TOX3: variants seen among roughly 807,000 people sequenced by gnomAD.
TOX3 encodes the protein CAG trinucleotide repeat-containing gene F9 protein.
In TOX3, 22 loss-of-function variants were observed where a neutral mutation model predicts 64.3. The ratio of observed to expected loss-of-function variants is 0.34; its 90% CI spans 0.24 to 0.49. The LOEUF (loss-of-function observed/expected upper bound fraction) is 0.49. Ranked by LOEUF, TOX3 falls within the 20% of genes least tolerant of loss-of-function variation. The pLI is 0.99. For missense variants in TOX3, 661 were observed against 714.4 expected, an observed-to-expected ratio of 0.93 and a Z score of 0.85; for synonymous variants, 291 against 273.6, an observed-to-expected ratio of 1.06 and a Z score of -0.63.
At chr16:52,449,279 G>A (rs771439663) in intron 4 of TOX3, among the ~76,000 whole-genome samples, 15 of 152,024 alleles carry the variant, frequency 9.9e-5, no homozygotes, top group Admixed American at 5.2e-4. Flanking sequence ...AAGCCATTTC[G>A]TTCTTCAACT....
At chr16:52,539,532 G>A (rs1963030869) in intron 1 of TOX3, among the ~76,000 whole-genome samples, 1 of 152,198 alleles carries the variant, frequency 6.6e-6, no homozygotes, top group African/African-American at 2.4e-5. Flanking sequence ...CTCACTGACT[G>A]GGAAGTTGAA....
intron 6 of TOX3, among the ~76,000 whole-genome samples, chr16:52,443,566 A>C (rs1960069157): frequency 6.6e-6 from 1 of 152,188 alleles, no homozygotes; most frequent in South Asian, 2.1e-4. Context: ...TGTCAGAAAA[A>C]ATTTGTCTAG....
Position 52,546,802 on chromosome 16 carries a change from C to G in TOX3, c.-79G>C. The G allele has an allele frequency of 7.3e-7, 1 of 1,361,254 alleles. No individual in the cohort carries two copies. Among genetic ancestry groups the G allele is most frequent in the South Asian group, 1.7e-5 (1 of 57,328 alleles). 84.3% of individuals were successfully genotyped at this position (1,361,254 alleles called of 1,614,324 possible). On this transcript the variant is annotated 5_prime_UTR_variant, in exon 1 of 7. Coordinates refer to ENST00000219746, the MANE Select transcript of TOX3 (RefSeq NM_001080430.4). ...ACCCGCCTCCTCGCCGCCGCTAGATCCACCGTCGAGGGCGCCCGGGGGTGG... is the reference window on the plus strand; with the variant it reads ...ACCCGCCTCCTCGCCGCCGCTAGATGCACCGTCGAGGGCGCCCGGGGGTGG...
chr16:52,446,644 T>C (rs1960172427), intron 4 of TOX3, among the ~76,000 whole-genome samples: 1 of 151,872 alleles, frequency 6.6e-6, no homozygotes, highest in African/African-American at 2.4e-5. Flanking sequence ...TCCCTAGCCA[T>C]AGTCACATGC....
At chr16:52,474,852 A>T (rs73583154) in intron 1 of TOX3, among the ~76,000 whole-genome samples, 2,221 of 152,186 alleles carry the variant, frequency 0.015, 45 homozygotes, top group African/African-American at 0.051. Flanking sequence ...CCCAATCCTT[A>T]CAATTGCCCC....
chr16:52,475,270 A>C (rs575931086), intron 1 of TOX3, among the ~76,000 whole-genome samples: 1 of 152,318 alleles, frequency 6.6e-6, no homozygotes, highest in East Asian at 1.9e-4. Context: ...TTTGGTAAAT[A>C]GTAGGTGTTC....
chr16:52,458,581 T>C (rs2151751864), intron 3 of TOX3, among the ~76,000 whole-genome samples: 1 of 152,346 alleles, frequency 6.6e-6, no homozygotes, highest in South Asian at 2.1e-4. Context: ...AGCCTTCTCA[T>C]AACATTTTCC....
intron 1 of TOX3, among the ~76,000 whole-genome samples, chr16:52,477,659 TACTTGCTAGGGGTCATTGTGTACAA>T (rs1484103220): frequency 1.3e-5 from 2 of 152,190 alleles, no homozygotes; most frequent in African/African-American, 4.8e-5. Context: ...CCAGCTGAAC[TACTTGCTAGGGGTCATTGTGTACAA>T]GCTTGCTAGG....
intron 1 of TOX3, among the ~76,000 whole-genome samples, chr16:52,516,614 A>T (rs748612230): frequency 6.6e-6 from 1 of 152,252 alleles, no homozygotes; most frequent in Non-Finnish European, 1.5e-5. Flanking sequence ...GATTGAAAAA[A>T]ATCAGATATA....
intron 4 of TOX3, among the ~76,000 whole-genome samples, chr16:52,448,505 G>A (rs1472975718): frequency 6.6e-6 from 1 of 152,094 alleles, no homozygotes; most frequent in African/African-American, 2.4e-5. Context: ...TCAATCCTCT[G>A]GACTGAAGTT....
chr16:52,451,179 G>A lies in TOX3; in HGVS notation c.409-633C>T, dbSNP rs79833902. On this transcript the variant is annotated intron_variant, in intron 3 of 6. Coordinates refer to ENST00000219746, the MANE Select transcript of TOX3 (RefSeq NM_001080430.4). ...CTGTGGTTAACCAGACGGTCATTCC[G>A]ATTCTGAATTACATTGTCAGCGGCA... Among the ~76,000 whole-genome samples, 1,232 of 152,302 alleles carry A rather than the reference G, an allele frequency of 8.1e-3. 26 individuals are homozygous for A. Among genetic ancestry groups the A allele is most frequent in the African/African-American group, 0.028 (1,169 of 41,566 alleles).
intron 1 of TOX3, among the ~76,000 whole-genome samples, chr16:52,471,032 A>G (rs981604879): frequency 1.3e-5 from 2 of 152,132 alleles, no homozygotes; most frequent in Non-Finnish European, 2.9e-5. Context: ...GGTACCTGGG[A>G]CCCTAGTTCA....
chr16:52,451,655 G>T (rs1000774375), intron 3 of TOX3, among the ~76,000 whole-genome samples: 1 of 151,952 alleles, frequency 6.6e-6, no homozygotes, highest in Non-Finnish European at 1.5e-5. Flanking sequence ...GCTTATTTTT[G>T]CTCTTTAAAG....
chr16:52,443,869 A>T (rs1960078182), intron 6 of TOX3, among the ~76,000 whole-genome samples: 1 of 152,162 alleles, frequency 6.6e-6, no homozygotes, highest in South Asian at 2.1e-4. Context: ...TCAAAAATGC[A>T]ATGCCCCCCA....
chr16:52,480,137 A>G (rs1474628555), intron 1 of TOX3, among the ~76,000 whole-genome samples: 1 of 152,136 alleles, frequency 6.6e-6, no homozygotes, highest in African/African-American at 2.4e-5. Flanking sequence ...TAGGTTCTCA[A>G]TTGATAATGC....
chr16:52,466,699 T>C (rs547944118), intron 2 of TOX3, among the ~76,000 whole-genome samples: 31 of 152,298 alleles, frequency 2.0e-4, no homozygotes, highest in African/African-American at 7.2e-4. Flanking sequence ...TATGTCCCTA[T>C]GGTATAATTT....
rs535679330 is a variant in TOX3, at chr16:52,491,767, G to A, written c.88-23193C>T. 6.3e-4 allele frequency among the ~76,000 whole-genome samples: 96 copies of A among 152,242 alleles called. 1 individual carries two copies. Among genetic ancestry groups the A allele is most frequent in the Admixed American group, 2.5e-3 (39 of 15,300 alleles). ...CATAGATGAAGAAATGACCCCCTGA[G>A]GTCATTCACAGTGTTATCTCCATCC... On this transcript the variant is annotated intron_variant, in intron 1 of 6. Transcript: ENST00000219746.
intron 2 of TOX3, among the ~76,000 whole-genome samples, chr16:52,465,559 C>A (rs1285095868): frequency 7.9e-6 from 1 of 126,134 alleles, no homozygotes; most frequent in African/African-American, 3.0e-5. Flanking sequence ...ACTTATAGTT[C>A]ATTTACTATT....
chr16:52,473,582 CT>C (rs1320496217), intron 1 of TOX3, among the ~76,000 whole-genome samples: 3 of 152,156 alleles, frequency 2.0e-5, no homozygotes, highest in Non-Finnish European at 2.9e-5. Flanking sequence ...TAACTACCCC[CT>C]GGAAGAGAAC....
Sources: allele counts gnomAD v4.1 joint callset (sites outside exome capture counted in the v4.1 genomes callset), GRCh38; gene constraint gnomAD v4.1.1; transcripts MANE v1.5; gene names NCBI Gene and HGNC (gene_info 2026-07-23, HGNC 2026-07-21).